The following MMP26 variants were observed in gnomAD, a reference collection of about 807,000 sequenced individuals.
MMP26 encodes matrix metalloproteinase-26.
Under a neutral mutation model 31.0 loss-of-function variants are expected in MMP26, and 33 were observed. The ratio of observed to expected loss-of-function variants is 1.06; its 90% CI spans 0.81 to 1.42. The LOEUF is 1.42. Ranked by LOEUF, MMP26 falls within the 40% of genes most tolerant of loss-of-function variation. The probability of loss-of-function intolerance (pLI) is 0.00; values close to 1 mark genes in which losing one functional copy is unlikely to be tolerated. For synonymous variants in MMP26, 122 were observed against 114.9 expected, an observed-to-expected ratio of 1.06 and a Z score of -0.40; for missense variants, 347 against 316.1, an observed-to-expected ratio of 1.10 and a Z score of -0.74.
chr11:4,773,572 T>A (rs1848753483), intron 2 of MMP26, among the ~76,000 whole-genome samples: 2 of 151,516 alleles, frequency 1.3e-5, no homozygotes, highest in Non-Finnish European at 2.9e-5. Flanking sequence ...CTTACAGGAA[T>A]TCAGAGGTGT....
At chr11:4,851,873 A>G (rs563933922) in intron 2 of MMP26, among the ~76,000 whole-genome samples, 1 of 152,262 alleles carries the variant, frequency 6.6e-6, no homozygotes, top group East Asian at 1.9e-4. Flanking sequence ...TAATGCAATG[A>G]AAAAGCAGTG....
intron 2 of MMP26, chr11:4,769,906 T>A: frequency 6.3e-7 from 1 of 1,599,062 alleles, no homozygotes; most frequent in Non-Finnish European, 8.6e-7. Context: ...TTGAGTTGCT[T>A]AGGATTTCCA....
At chr11:4,829,860 T>C (rs1160823944) in intron 2 of MMP26, among the ~76,000 whole-genome samples, 8 of 152,192 alleles carry the variant, frequency 5.3e-5, no homozygotes, top group Admixed American at 2.6e-4. Context: ...ATACACTGAA[T>C]CTTAGATAGA....
At chr11:4,867,101 A>G (rs1481961803) in intron 2 of MMP26, among the ~76,000 whole-genome samples, 2 of 152,174 alleles carry the variant, frequency 1.3e-5, no homozygotes, top group Admixed American at 1.3e-4. Flanking sequence ...ATTAAACTAA[A>G]GAGCTTCTGC....
chr11:4,891,758 T>C (rs1410934816), intron 2 of MMP26, among the ~76,000 whole-genome samples: 1 of 152,116 alleles, frequency 6.6e-6, no homozygotes, highest in Non-Finnish European at 1.5e-5. Flanking sequence ...AAAGAAGAGA[T>C]TCTTGGATTT....
At chr11:4,718,122 T>G (rs1193123793) in intron 1 of MMP26, among the ~76,000 whole-genome samples, 1 of 152,188 alleles carries the variant, frequency 6.6e-6, no homozygotes, top group Non-Finnish European at 1.5e-5. Flanking sequence ...TGTTGGCTAT[T>G]TATTAGACAT....
chr11:4,959,035 G>A (rs1469779298), intron 2 of MMP26, among the ~76,000 whole-genome samples: 1 of 151,852 alleles, frequency 6.6e-6, no homozygotes, highest in African/African-American at 2.4e-5. Context: ...TCATGAGATC[G>A]AGACCATCCT....
At chr11:4,777,644 T>C (rs1316225816) in intron 2 of MMP26, among the ~76,000 whole-genome samples, 1 of 152,128 alleles carries the variant, frequency 6.6e-6, no homozygotes, top group East Asian at 1.9e-4. Flanking sequence ...TCAAAGGTGA[T>C]CACTCTCCTC....
At chr11:4,904,459 C>T (rs1485633080) in intron 2 of MMP26, among the ~76,000 whole-genome samples, 4 of 152,042 alleles carry the variant, frequency 2.6e-5, no homozygotes, top group African/African-American at 9.7e-5. Context: ...TATATTCTAC[C>T]TCCATATATT....
intron 1 of MMP26, chr11:4,709,689 A>G (rs561599765): frequency 5.1e-4 from 233 of 458,532 alleles, no homozygotes; most frequent in African/African-American, 4.1e-3. Flanking sequence ...TGTCATTGCT[A>G]TCTCTGGGAA....
chr11:4,723,633 A>G (rs1438669840), intron 1 of MMP26: 13 of 872,342 alleles, frequency 1.5e-5, no homozygotes. Context: ...CTGCACACTT[A>G]TTGATCTCAT....
At chr11:4,898,373 A>G (rs1369052794) in intron 2 of MMP26, among the ~76,000 whole-genome samples, 1 of 151,864 alleles carries the variant, frequency 6.6e-6, no homozygotes, top group East Asian at 1.9e-4. Context: ...GGATTTGACT[A>G]TAATGTGTCT....
At chr11:4,978,009 T>C (rs780217228) in intron 2 of MMP26, among the ~76,000 whole-genome samples, 3 of 152,008 alleles carry the variant, frequency 2.0e-5, no homozygotes, top group Admixed American at 6.6e-5. Flanking sequence ...GGTTCCCCCA[T>C]GTTGTTTTTA....
At chr11:4,885,357 C>A (rs999508726) in intron 2 of MMP26, among the ~76,000 whole-genome samples, 4 of 152,162 alleles carry the variant, frequency 2.6e-5, no homozygotes, top group Non-Finnish European at 5.9e-5. Context: ...TTTCAGTCAA[C>A]AATGGGCCTC....
intron 2 of MMP26, chr11:4,848,985 C>G: frequency 6.2e-7 from 1 of 1,614,142 alleles, no homozygotes; most frequent in Non-Finnish European, 8.5e-7. Context: ...ATCAGACACA[C>G]TAAGCAAGAA....
chr11:4,843,411 C>T (rs1047463114), intron 2 of MMP26, among the ~76,000 whole-genome samples: 1 of 152,224 alleles, frequency 6.6e-6, no homozygotes, highest in African/African-American at 2.4e-5. Context: ...CAAACCTAAA[C>T]TCTTGCCTTC....
At chr11:4,881,193 T>G (rs1850456554) in intron 2 of MMP26, among the ~76,000 whole-genome samples, 1 of 152,134 alleles carries the variant, frequency 6.6e-6, no homozygotes, top group Non-Finnish European at 1.5e-5. Flanking sequence ...CTGCTTCTTC[T>G]TCTGTCTCCA....
chr11:4,969,689 G>A (rs1846639706), intron 2 of MMP26, among the ~76,000 whole-genome samples: 1 of 151,932 alleles, frequency 6.6e-6, no homozygotes, highest in Non-Finnish European at 1.5e-5. Context: ...CATGTTCCTA[G>A]GTTGAATAAT....
intron 2 of MMP26, among the ~76,000 whole-genome samples, chr11:4,933,476 AAGAC>A (rs74488803): frequency 0.52 from 79,083 of 151,562 alleles, 21,264 homozygotes; most frequent in East Asian, 0.76. Context: ...ATGATTAAGA[AAGAC>A]AGAAAGATTG....
Sources: gnomAD v4.1 joint callset for allele counts (sites outside exome capture counted in the v4.1 genomes callset) on GRCh38, gnomAD v4.1.1 for gene constraint, MANE v1.5 for transcripts, NCBI Gene and HGNC (gene_info 2026-07-23, HGNC 2026-07-21) for gene names.